SUPT20H: variants seen among roughly 807,000 people sequenced by gnomAD.
The protein encoded by SUPT20H is transcription factor SPT20 homolog.
In SUPT20H, 82 loss-of-function variants were observed where a neutral mutation model predicts 122.8. The ratio of observed to expected loss-of-function variants is 0.67; its 90% CI spans 0.56 to 0.80. SUPT20H has a LOEUF of 0.80. Among genes scored for constraint, SUPT20H ranks in the 30% least tolerant of loss-of-function variants. The probability of loss-of-function intolerance (pLI) is 0.00; values close to 1 mark genes in which losing one functional copy is unlikely to be tolerated. For missense variants in SUPT20H, 831 were observed against 921.6 expected, an observed-to-expected ratio of 0.90 and a Z score of 1.27; for synonymous variants, 291 against 313.0, an observed-to-expected ratio of 0.93 and a Z score of 0.74.
At chr13:37,042,222 A>C (rs2138700781) in intron 7 of SUPT20H, among the ~76,000 whole-genome samples, 1 of 152,334 alleles carries the variant, frequency 6.6e-6, no homozygotes, top group East Asian at 1.9e-4. Flanking sequence ...CATCTGTTAG[A>C]CTGAAGAGAC....
chr13:37,050,793 A>C (rs1362187049), intron 2 of SUPT20H, among the ~76,000 whole-genome samples: 3 of 152,142 alleles, frequency 2.0e-5, no homozygotes, highest in African/African-American at 7.2e-5. Context: ...ACTTTTCTCT[A>C]ATAGGGGAGG....
In SUPT20H at chr13:37,012,451, A is replaced by G. The variant is rs1460303250; in HGVS notation, c.1993-154T>C. On this transcript the variant is annotated intron_variant, in intron 23 of 25. Coordinates refer to ENST00000350612, the MANE Select transcript of SUPT20H (RefSeq NM_001014286.3). ...GGAAAATACTTCAAAGGTATTTAGAATAAGCAAGAATAAATTTATGGTATT... is the reference window on the plus strand; with the variant it reads ...GGAAAATACTTCAAAGGTATTTAGAGTAAGCAAGAATAAATTTATGGTATT... The G allele has an allele frequency of 9.8e-6, 5 of 510,272 alleles. No individual in the cohort carries two copies. In the East Asian group the frequency reaches 1.5e-4, roughly 15 times the overall value. The allele number at this position is 510,272 out of a possible 1,614,324, so 31.6% of individuals were successfully genotyped here. A position where few individuals can be genotyped will look rare whatever the true frequency, so the allele number is the denominator to read the frequency against.
intron 22 of SUPT20H, 113 bp from the exon 23 acceptor site, chr13:37,017,477 T>A: frequency 8.9e-7 from 1 of 1,128,608 alleles, no homozygotes; most frequent in Non-Finnish European, 1.2e-6. Context: ...CTTCTAGTTA[T>A]TGAAGAAACA....
chr13:37,031,240 A>C (rs1258460122), intron 12 of SUPT20H, among the ~76,000 whole-genome samples: 3 of 152,236 alleles, frequency 2.0e-5, no homozygotes, highest in African/African-American at 7.2e-5. Flanking sequence ...ATATTATCAA[A>C]AAAAGAGAGA....
chr13:37,010,477 A>G, intron 25 of SUPT20H, 75 bp downstream of exon 25: 2 of 1,325,826 alleles, frequency 1.5e-6, no homozygotes, highest in South Asian at 1.2e-5. Context: ...AAATAAAACT[A>G]AAGCAAGTTA....
At chr13:37,012,665 A>G (rs184338406) in intron 23 of SUPT20H, 57 of 156,234 alleles carry the variant, frequency 3.6e-4, no homozygotes, top group Non-Finnish European at 6.2e-4. Context: ...TAAAAGGTAT[A>G]TAGATTTTAT....
At chr13:37,024,251 G>C in intron 18 of SUPT20H, 58 bp from the exon 19 acceptor site, 1 of 1,544,772 alleles carries the variant, frequency 6.5e-7, no homozygotes, top group Non-Finnish European at 8.7e-7. Context: ...GTGAACTGTA[G>C]AAATCAAAAT....
intron 23 of SUPT20H, among the ~76,000 whole-genome samples, chr13:37,016,041 C>A (rs998208610): frequency 6.6e-6 from 1 of 152,166 alleles, no homozygotes; most frequent in African/African-American, 2.4e-5. Flanking sequence ...GATATAGTTT[C>A]AGTTTTGCAA....
intron 9 of SUPT20H, among the ~76,000 whole-genome samples, chr13:37,034,358 A>AT (rs1396480317): frequency 6.6e-6 from 1 of 152,240 alleles, no homozygotes; most frequent in African/African-American, 2.4e-5. Context: ...TCCATAACAG[A>AT]TAAAAATGCA....
chr13:37,024,214 T>G, intron 18 of SUPT20H, 21 bp from the exon 19 acceptor site: 2 of 1,587,860 alleles, frequency 1.3e-6, no homozygotes, highest in Non-Finnish European at 1.7e-6. Flanking sequence ...ATAAAAGTTA[T>G]TTCCTAAATT....
At chr13:37,051,433 T>A in intron 2 of SUPT20H, 55 bp downstream of exon 2, 1 of 1,543,612 alleles carries the variant, frequency 6.5e-7, no homozygotes. Context: ...TTTATGAAGA[T>A]GAAGGAAGAG....
chr13:37,047,495 A>G (rs1381837286), intron 5 of SUPT20H, 40 bp downstream of exon 5: 1 of 1,398,352 alleles, frequency 7.2e-7, no homozygotes, highest in Admixed American at 3.4e-5. Context: ...CCTCTCTTCT[A>G]CATTTCAAAA....
chr13:37,009,881 G>T, intron 25 of SUPT20H, 72 bp from the exon 26 acceptor site: 1 of 1,538,326 alleles, frequency 6.5e-7, no homozygotes, highest in Non-Finnish European at 8.7e-7. Context: ...TTTCCTGAGT[G>T]ACGAAACAAC....
At chr13:37,047,969 T>G (rs745343090) in intron 3 of SUPT20H, 33 bp from the exon 4 acceptor site, 8 of 1,575,402 alleles carry the variant, frequency 5.1e-6, no homozygotes, top group Non-Finnish European at 6.9e-6. Context: ...AACAGCTTGC[T>G]TTTTGCTTTT....
chr13:37,029,503 C>A (rs1160134148), intron 13 of SUPT20H, among the ~76,000 whole-genome samples: 1 of 150,586 alleles, frequency 6.6e-6, no homozygotes, highest in Non-Finnish European at 1.5e-5. Context: ...CCAGCCTGGG[C>A]GATAAGAGCC....
chr13:37,059,374 T>G (rs2070100977), intron 1 of SUPT20H, 185 bp downstream of exon 1: 1 of 152,132 alleles, frequency 6.6e-6, no homozygotes, highest in Admixed American at 6.5e-5. Flanking sequence ...CGAAAGGCGA[T>G]GTAGGCGTCC....
chr13:37,013,825 A>G (rs1232539697), intron 23 of SUPT20H: 1 of 152,108 alleles, frequency 6.6e-6, no homozygotes, highest in Non-Finnish European at 1.5e-5. Context: ...AGGAGGACAC[A>G]TTATTGAATT....
At chr13:37,046,696 G>A (rs1053959240) in intron 5 of SUPT20H, among the ~76,000 whole-genome samples, 1 of 151,964 alleles carries the variant, frequency 6.6e-6, no homozygotes, top group African/African-American at 2.4e-5. Flanking sequence ...ACATTCTATT[G>A]CTTGTAGTGA....
At chr13:37,018,283 G>A (rs1232026301) in intron 22 of SUPT20H, among the ~76,000 whole-genome samples, 4 of 152,142 alleles carry the variant, frequency 2.6e-5, no homozygotes, top group Non-Finnish European at 5.9e-5. Context: ...TTCCATTCCT[G>A]TTAACACTGA....
Sources: allele counts gnomAD v4.1 joint callset (sites outside exome capture counted in the v4.1 genomes callset), GRCh38; gene constraint gnomAD v4.1.1; transcripts MANE v1.5; gene names NCBI Gene and HGNC (gene_info 2026-07-23, HGNC 2026-07-21).